Variants in KIF13A observed in about 807,000 individuals in gnomAD.
The protein encoded by KIF13A is kinesin-like protein KIF13A.
KIF13A carries 79 observed loss-of-function variants against 212.2 expected under a neutral mutation model. The observed-to-expected ratio is 0.37, with a 90% CI of 0.31 to 0.45. The LOEUF is 0.45. Among genes scored for constraint, KIF13A ranks in the 20% least tolerant of loss-of-function variants. The probability of loss-of-function intolerance (pLI) is 1.00; values close to 1 mark genes in which losing one functional copy is unlikely to be tolerated. For missense variants in KIF13A, 1,901 were observed against 2,209.0 expected (o/e 0.86, Z 2.79); for synonymous variants, 789 against 808.6 (o/e 0.98, Z 0.41).
chr6:17,799,851 A>G lies in KIF13A; in HGVS notation c.2616+101T>C, dbSNP rs1182927668. On this transcript the variant is annotated intron_variant, in intron 21 of 38. Coordinates refer to ENST00000259711, the MANE Select transcript of KIF13A (RefSeq NM_022113.6). The surrounding 1 kb of genome is among the most constrained non-coding windows in gnomAD (Gnocchi z 4.4). ...ACTGTATCTGCTGTTACAAAATCCA[A>G]CTTTTACTACCCTGGATGAAAAACT... 2 of 1,378,138 alleles carry G rather than the reference A, an allele frequency of 1.5e-6. No individual in the cohort carries two copies. The highest frequency in any genetic ancestry group is 2.0e-6 in the Non-Finnish European group (2 of 1,000,524). 85.4% of individuals were successfully genotyped at this position (1,378,138 alleles called of 1,614,324 possible).
intron 3 of KIF13A, among the ~76,000 whole-genome samples, chr6:17,891,617 G>A (rs1290557416): frequency 6.6e-6 from 1 of 152,120 alleles, no homozygotes; most frequent in Non-Finnish European, 1.5e-5. Context: ...AATTAGCCAA[G>A]TGTGGTGGCT....
At position 17,768,577 on chromosome 6, in the gene KIF13A, G is replaced by A. The variant is rs1426766237; in HGVS notation, c.4581+2537C>T. On this transcript the variant is annotated intron_variant, in intron 38 of 38. Coordinates refer to ENST00000259711, the MANE Select transcript of KIF13A (RefSeq NM_022113.6). This position sits in a 1 kb window ranked among gnomAD's most constrained non-coding sequence, Gnocchi z 5.4. ...GCCCTTTATCTGAAGAGCAGCTGCAGGGCATACTGGAATTGCACTATATTT... is the reference window on the plus strand; with the variant it reads ...GCCCTTTATCTGAAGAGCAGCTGCAAGGCATACTGGAATTGCACTATATTT... Among the ~76,000 whole-genome samples the A allele has an allele frequency of 6.6e-6, 1 of 152,160 alleles. No individual in the cohort carries two copies.
In KIF13A at chr6:17,789,724, A is replaced by G; in HGVS notation, c.3261+148T>C. 1 of 593,490 alleles carries G rather than the reference A, an allele frequency of 1.7e-6. No homozygotes were observed. The highest frequency in any genetic ancestry group is 2.4e-5 in the South Asian group (1 of 42,302). The allele number at this position is 593,490 out of a possible 1,614,324, so 36.8% of individuals were successfully genotyped here. A position where few individuals can be genotyped will look rare whatever the true frequency, so the allele number is the denominator to read the frequency against. ...TCTATAGAAATAATATTGTGTTTGA[A>G]TACATATAAAGCAAATCAAAAGCAA... On this transcript the variant is annotated intron_variant, in intron 26 of 38. Coordinates refer to ENST00000259711, the MANE Select transcript of KIF13A (RefSeq NM_022113.6). The surrounding 1 kb of genome is among the most constrained non-coding windows in gnomAD (Gnocchi z 4.8).
At chr6:17,985,416 T>C (rs1781457642) in intron 2 of KIF13A, among the ~76,000 whole-genome samples, 1 of 152,196 alleles carries the variant, frequency 6.6e-6, no homozygotes, top group Non-Finnish European at 1.5e-5. Flanking sequence ...AAATCAAATC[T>C]GTTTCTCTTC....
chr6:17,980,744 G>A (rs1287374556), intron 2 of KIF13A, among the ~76,000 whole-genome samples: 1 of 152,150 alleles, frequency 6.6e-6, no homozygotes, highest in Admixed American at 6.5e-5. Context: ...AGAATTCATT[G>A]AACAATTCAT....
rs563352928 is a variant in KIF13A, at chr6:17,938,242, T to C, written c.147-40062A>G. On this transcript the variant is annotated intron_variant, in intron 2 of 38. Transcript: ENST00000259711. ...CAATTGCTACATTTAATGCATGATT[T>C]ATTACAACCCAATTAGAAAGCATAG... 3.3e-5 allele frequency among the ~76,000 whole-genome samples: 5 copies of C among 152,288 alleles called. No homozygotes were observed. The South Asian group carries it at 8.3e-4, about 25-fold the overall frequency.
At chr6:17,894,132 C>T (rs1280631064) in intron 3 of KIF13A, among the ~76,000 whole-genome samples, 1 of 141,548 alleles carries the variant, frequency 7.1e-6, no homozygotes, top group East Asian at 2.1e-4. Context: ...GCCACTGCGT[C>T]TCACCCCATT....
At position 17,833,819 on chromosome 6, in the gene KIF13A, G is replaced by GCAC. The variant is rs1487806933; in HGVS notation, c.1266+139_1266+141dup. The GCAC allele has an allele frequency of 1.0e-5, 5 of 476,902 alleles. No homozygotes were observed. The East Asian group carries it at 1.9e-4, about 18-fold the overall frequency. 29.5% of individuals were successfully genotyped at this position (476,902 alleles called of 1,614,324 possible). On this transcript the variant is annotated intron_variant, in intron 12 of 38. Transcript: ENST00000259711. ...TGCAGTGAGTCGAGATCACGCCACT[G>GCAC]CACCCCAGCCTGGGCGACAGAGTGA... is the stretch of plus-strand genomic sequence containing the variant.
In KIF13A at chr6:17,809,402, G is replaced by A. The variant is rs897236222; in HGVS notation, c.2001-472C>T. Among the ~76,000 whole-genome samples, 7 of 152,116 alleles carry A rather than the reference G, an allele frequency of 4.6e-5. No individual in the cohort carries two copies. Among genetic ancestry groups the A allele is most frequent in the African/African-American group, 1.7e-4 (7 of 41,404 alleles). On this transcript the variant is annotated intron_variant, in intron 17 of 38. Coordinates refer to ENST00000259711, the MANE Select transcript of KIF13A (RefSeq NM_022113.6). This position sits in a 1 kb window ranked among gnomAD's most constrained non-coding sequence, Gnocchi z 4.7. ...AGTTCTGCAGTAGCAGGAATTCTTCGTTTCAACTCTCTGTACAACATTACT... is the reference window on the plus strand; with the variant it reads ...AGTTCTGCAGTAGCAGGAATTCTTCATTTCAACTCTCTGTACAACATTACT...
Position 17,796,272 on chromosome 6 carries a change from G to A in KIF13A, c.2942+397C>T, listed in dbSNP as rs1463373384. 2.0e-5 allele frequency among the ~76,000 whole-genome samples: 3 copies of A among 149,072 alleles called. No individual in the cohort carries two copies. The East Asian group carries it at 5.9e-4, about 29-fold the overall frequency. On this transcript the variant is annotated intron_variant, in intron 23 of 38. Coordinates refer to ENST00000259711, the MANE Select transcript of KIF13A (RefSeq NM_022113.6). The stretch of plus-strand genomic sequence containing the variant: ...GCTGGAGTGCAGTGGCACGATCTTG[G>A]CTCACTGAAACCTCCAGCTCCCGGG...
chr6:17,982,803 T>C lies in KIF13A; in HGVS notation c.146+4251A>G, dbSNP rs1189121123. 1.3e-5 allele frequency among the ~76,000 whole-genome samples: 2 copies of C among 152,160 alleles called. No homozygotes were observed. Among genetic ancestry groups the C allele is most frequent in the Non-Finnish European group, 2.9e-5 (2 of 68,016 alleles). ...CAGACCCGTAAGCCAACCACCTATA[T>C]TTTAAAAACCACCACTACCATTCAC... On this transcript the variant is annotated intron_variant, in intron 2 of 38. Transcript: ENST00000259711. The surrounding 1 kb of genome is among the most constrained non-coding windows in gnomAD (Gnocchi z 5.1).
intron 2 of KIF13A, among the ~76,000 whole-genome samples, chr6:17,972,875 CCTA>C (rs1245205831): frequency 6.6e-6 from 1 of 151,846 alleles, no homozygotes; most frequent in Non-Finnish European, 1.5e-5. Flanking sequence ...AACTTTTTCC[CCTA>C]AGGGAACTAC....
chr6:17,773,648 T>A lies in KIF13A; in HGVS notation c.4219-65A>T. On this transcript the variant is annotated intron_variant, in intron 35 of 38. Coordinates refer to ENST00000259711, the MANE Select transcript of KIF13A (RefSeq NM_022113.6). This position sits in a 1 kb window ranked among gnomAD's most constrained non-coding sequence, Gnocchi z 4.2. ...TCCAAAATAAGAAATAAAGCCCAGG[T>A]TGGAGTTTCTTCTGTTTTTTTTTAA... The A allele has an allele frequency of 2.3e-6, 2 of 878,880 alleles. No homozygotes were observed. Among genetic ancestry groups the A allele is most frequent in the Non-Finnish European group, 1.8e-6 (1 of 564,472 alleles). The allele number at this position is 878,880 out of a possible 1,614,324, so 54.4% of individuals were successfully genotyped here. A position where few individuals can be genotyped will look rare whatever the true frequency, so the allele number is the denominator to read the frequency against.
chr6:17,870,704 G>A (rs1179605687), intron 4 of KIF13A, among the ~76,000 whole-genome samples: 11 of 151,902 alleles, frequency 7.2e-5, no homozygotes, highest in Non-Finnish European at 1.2e-4. Flanking sequence ...GTCTCCCATC[G>A]CATCCCCAAC....
In KIF13A at chr6:17,959,799, G is replaced by A. The variant is rs141426356; in HGVS notation, c.146+27255C>T. On this transcript the variant is annotated intron_variant, in intron 2 of 38. Coordinates refer to ENST00000259711, the MANE Select transcript of KIF13A (RefSeq NM_022113.6). ...AGCACTTTGGGAGGCCGAGGCCGGC[G>A]GATCACCTGAAGTCAGGAGTTCGAG... Among the ~76,000 whole-genome samples the A allele has an allele frequency of 5.6e-3, 856 of 152,244 alleles. 13 individuals are homozygous for A. The highest frequency in any genetic ancestry group is 0.019 in the African/African-American group (791 of 41,534).
chr6:17,759,916 A>G (rs1429312697), downstream of KIF13A: 1 of 144,584 alleles, frequency 6.9e-6, no homozygotes, highest in Non-Finnish European at 1.5e-5. Flanking sequence ...TTCTTACAGT[A>G]ATACGGCTCT....
At chr6:17,902,744 T>C (rs1336574894) in intron 2 of KIF13A, among the ~76,000 whole-genome samples, 1 of 152,214 alleles carries the variant, frequency 6.6e-6, no homozygotes, top group Non-Finnish European at 1.5e-5. Flanking sequence ...TTAGCACTTA[T>C]TGGCACACAT....
chr6:17,853,018 C>G (rs1399280630), intron 6 of KIF13A, among the ~76,000 whole-genome samples: 1 of 152,134 alleles, frequency 6.6e-6, no homozygotes, highest in African/African-American at 2.4e-5. Flanking sequence ...ATTGTGCACA[C>G]CATCTTTTTC....
At position 17,895,830 on chromosome 6, in the gene KIF13A, T is replaced by C. The variant is rs1474288827; in HGVS notation, c.159+2338A>G. ...AGTGCCTTCAAGCACAAGTTTTTAA[T>C]ATTTTGTCCAGTCCTAGTTGTCCTC... On this transcript the variant is annotated intron_variant, in intron 3 of 38. Coordinates refer to ENST00000259711, the MANE Select transcript of KIF13A (RefSeq NM_022113.6). The surrounding 1 kb of genome is among the most constrained non-coding windows in gnomAD (Gnocchi z 4.4). 3.9e-5 allele frequency among the ~76,000 whole-genome samples: 6 copies of C among 152,238 alleles called. No homozygotes were observed. Among genetic ancestry groups the C allele is most frequent in the Non-Finnish European group, 7.3e-5 (5 of 68,028 alleles).
Sources: gnomAD v4.1 joint callset for allele counts (sites outside exome capture counted in the v4.1 genomes callset) on GRCh38, gnomAD v4.1.1 for gene constraint, Gnocchi (gnomAD v3.1) non-coding constraint, MANE v1.5 for transcripts, NCBI Gene and HGNC (gene_info 2026-07-23, HGNC 2026-07-21) for gene names.